The following PCDH15 variants were observed in gnomAD, a reference collection of about 807,000 sequenced individuals.
PCDH15 encodes protocadherin-15.
Under a neutral mutation model 178.5 loss-of-function variants are expected in PCDH15, and 129 were observed. The ratio of observed to expected loss-of-function variants is 0.72; its 90% CI spans 0.63 to 0.84. The LOEUF (loss-of-function observed/expected upper bound fraction) is 0.84, where lower values mean the gene tolerates loss of function less well. Ranked by LOEUF, PCDH15 falls within the 40% of genes least tolerant of loss-of-function variation. The probability of loss-of-function intolerance (pLI) is 0.00; values close to 1 mark genes in which losing one functional copy is unlikely to be tolerated. For synonymous variants in PCDH15, 800 were observed against 732.0 expected, an observed-to-expected ratio of 1.09 and a Z score of -1.50; for missense variants, 2,230 against 2,099.9, an observed-to-expected ratio of 1.06 and a Z score of -1.21.
chr10:54,186,199 G>T (rs1175835918), intron 11 of PCDH15, among the ~76,000 whole-genome samples: 1 of 151,956 alleles, frequency 6.6e-6, no homozygotes, highest in Non-Finnish European at 1.5e-5. Flanking sequence ...AGTGATACAG[G>T]GAGGTAAGGT....
At chr10:54,741,136 G>C (rs7096158) in intron 1 of PCDH15, among the ~76,000 whole-genome samples, 69,403 of 150,318 alleles carry the variant, frequency 0.46, 17,158 homozygotes, top group Middle Eastern at 0.64. Flanking sequence ...ACATAAATAT[G>C]TATTATTATG....
chr10:55,568,892 C>A (rs1842354791), intron 2 of PCDH15, among the ~76,000 whole-genome samples: 1 of 151,972 alleles, frequency 6.6e-6, no homozygotes, highest in African/African-American at 2.4e-5. Context: ...TCACTGCATG[C>A]AGGATTCTGG....
intron 2 of PCDH15, among the ~76,000 whole-genome samples, chr10:54,950,523 T>C (rs1278039838): frequency 6.6e-6 from 1 of 152,044 alleles, no homozygotes; most frequent in Non-Finnish European, 1.5e-5. Flanking sequence ...CTCCTTTCCT[T>C]CTGCCATGAT....
At chr10:54,363,559 T>C (rs1946365902) in intron 5 of PCDH15, among the ~76,000 whole-genome samples, 1 of 152,172 alleles carries the variant, frequency 6.6e-6, no homozygotes, top group African/African-American at 2.4e-5. Context: ...TGGAAAATCT[T>C]TGAAGAATCT....
chr10:53,976,201 T>C (rs1304606353), intron 21 of PCDH15, among the ~76,000 whole-genome samples: 1 of 152,110 alleles, frequency 6.6e-6, no homozygotes, highest in East Asian at 1.9e-4. Context: ...TGATGTAGGG[T>C]AGTGTGATGC....
At chr10:54,027,436 A>G (rs1311039179) in intron 18 of PCDH15, among the ~76,000 whole-genome samples, 2 of 152,136 alleles carry the variant, frequency 1.3e-5, no homozygotes, top group African/African-American at 4.8e-5. Context: ...ATTGGAAAAA[A>G]CTACTTTAAA....
chr10:55,546,923 A>T, intron 2 of PCDH15, among the ~76,000 whole-genome samples: 1 of 152,146 alleles, frequency 6.6e-6, no homozygotes. Flanking sequence ...TCAGTCCATG[A>T]GGCAGGTCTG....
At chr10:54,364,868 A>G (rs1283622105) in intron 5 of PCDH15, among the ~76,000 whole-genome samples, 1 of 152,024 alleles carries the variant, frequency 6.6e-6, no homozygotes, top group Non-Finnish European at 1.5e-5. Flanking sequence ...ATTTATTTTT[A>G]TGTTGGTAGC....
chr10:54,064,348 T>A (rs1182694081), intron 18 of PCDH15, among the ~76,000 whole-genome samples: 2 of 152,094 alleles, frequency 1.3e-5, no homozygotes, highest in Non-Finnish European at 2.9e-5. Context: ...TGTTGATTGG[T>A]CCACGGGTGG....
chr10:55,059,024 G>A (rs763816121), intron 2 of PCDH15, among the ~76,000 whole-genome samples: 4 of 152,128 alleles, frequency 2.6e-5, no homozygotes, highest in African/African-American at 7.2e-5. Context: ...ATTAAATCAC[G>A]GTCCGTGAAA....
chr10:54,516,653 A>G (rs1191001191), intron 3 of PCDH15, among the ~76,000 whole-genome samples: 1 of 152,150 alleles, frequency 6.6e-6, no homozygotes, highest in Non-Finnish European at 1.5e-5. Context: ...ATTATCCAGG[A>G]GAACTTCCCC....
chr10:54,273,018 A>G (rs1224819576), intron 8 of PCDH15, among the ~76,000 whole-genome samples: 4 of 152,130 alleles, frequency 2.6e-5, no homozygotes, highest in Non-Finnish European at 5.9e-5. Context: ...TGATTAGCAG[A>G]ACATTTTAAA....
chr10:54,729,851 T>C (rs181044748), intron 1 of PCDH15, among the ~76,000 whole-genome samples: 107 of 151,690 alleles, frequency 7.1e-4, no homozygotes, highest in Admixed American at 1.6e-3. Context: ...CACAATGAGA[T>C]AGTATCTTAC....
At chr10:54,977,724 C>T (rs1386551888) in intron 2 of PCDH15, among the ~76,000 whole-genome samples, 1 of 152,056 alleles carries the variant, frequency 6.6e-6, no homozygotes, top group African/African-American at 2.4e-5. Flanking sequence ...TGTGGACTTC[C>T]CTGAATTCTT....
intron 3 of PCDH15, among the ~76,000 whole-genome samples, chr10:54,823,473 GT>G (rs1953080921): frequency 6.6e-6 from 1 of 152,100 alleles, no homozygotes; most frequent in South Asian, 2.1e-4. Context: ...GCAATTCATA[GT>G]TGTTTCACAC....
intron 2 of PCDH15, among the ~76,000 whole-genome samples, chr10:55,024,434 GATAAT>G (rs1280898285): frequency 1.5e-5 from 2 of 137,876 alleles, no homozygotes; most frequent in African/African-American, 2.6e-5. Flanking sequence ...GAGATAAAGG[GATAAT>G]ATATTATATA....
At chr10:54,447,640 T>A in intron 3 of PCDH15, among the ~76,000 whole-genome samples, 1 of 151,690 alleles carries the variant, frequency 6.6e-6, no homozygotes, top group South Asian at 2.1e-4. Context: ...ACAATTATGT[T>A]ATTTGAGTAA....
intron 2 of PCDH15, among the ~76,000 whole-genome samples, chr10:55,060,986 A>G (rs1841414683): frequency 6.6e-6 from 1 of 152,138 alleles, no homozygotes; most frequent in Non-Finnish European, 1.5e-5. Context: ...CTAGAAGAAA[A>G]AAAGGAGAAA....
intron 3 of PCDH15, among the ~76,000 whole-genome samples, chr10:54,507,740 T>A (rs1258680972): frequency 1.3e-5 from 2 of 151,996 alleles, no homozygotes; most frequent in Non-Finnish European, 1.5e-5. Context: ...ATCTGAAACA[T>A]AACAATGTGT....
Sources: allele counts gnomAD v4.1 joint callset (sites outside exome capture counted in the v4.1 genomes callset), GRCh38; gene constraint gnomAD v4.1.1; transcripts MANE v1.5; gene names NCBI Gene and HGNC (gene_info 2026-07-23, HGNC 2026-07-21).